Variants in NR4A2 observed in about 807,000 individuals in gnomAD.
NR4A2 encodes the protein NGFI-B/nur77 beta-type transcription factor homolog.
A neutral mutation model predicts 50.5 loss-of-function variants in NR4A2; 1 was observed. The observed-to-expected ratio is 0.02, with a 90% CI of 0.01 to 0.09. The LOEUF is 0.09. NR4A2 is among the 10% of genes least tolerant of loss of function. The probability of loss-of-function intolerance (pLI) is 1.00; values close to 1 mark genes in which losing one functional copy is unlikely to be tolerated. For synonymous variants in NR4A2, 328 were observed against 309.4 expected (o/e 1.06, Z -0.63); for missense variants, 613 against 777.3 (o/e 0.79, Z 2.51).
chr2:156,326,363 AAGAG>A lies in NR4A2; in HGVS notation c.1362-39_1362-36del. Reference sequence around the variant, plus strand: ...ATACCAAAGAGAGAGAGGGGAGAAAAAGAGAGAGAGAAAAGCTAAACAACTAATT... The same window carrying A: ...ATACCAAAGAGAGAGAGGGGAGAAAAAGAGAGAAAAGCTAAACAACTAATT... On this transcript the variant is annotated intron_variant, in intron 6 of 7. Coordinates refer to ENST00000339562, the MANE Select transcript of NR4A2 (RefSeq NM_006186.4). This position sits in a 1 kb window ranked among gnomAD's most constrained non-coding sequence, Gnocchi z 4.2. 1 of 1,584,534 alleles carries A rather than the reference AAGAG, an allele frequency of 6.3e-7. No homozygotes were observed. The highest frequency in any genetic ancestry group is 1.1e-5 in the South Asian group (1 of 90,488).
rs762169789 is a variant in NR4A2, at chr2:156,328,035, T to C, written c.995-21A>G. 4 of 1,597,888 alleles carry C rather than the reference T, an allele frequency of 2.5e-6. No homozygotes were observed. Among genetic ancestry groups the C allele is most frequent in the East Asian group, 4.5e-5 (2 of 44,470 alleles). Reference sequence around the variant, plus strand: ...AACCACTGCAAAGGAAGAGCCCTGTTAGCGCCGCTTTTCCGAGCCCAGGCC... The same window carrying C: ...AACCACTGCAAAGGAAGAGCCCTGTCAGCGCCGCTTTTCCGAGCCCAGGCC... On this transcript the variant is annotated intron_variant, in intron 4 of 7. Transcript: ENST00000339562. This position sits in a 1 kb window ranked among gnomAD's most constrained non-coding sequence, Gnocchi z 4.9.
At chr2:156,330,835 A>T in intron 1 of NR4A2, 44 bp from the exon 2 acceptor site, 1 of 1,239,688 alleles carries the variant, frequency 8.1e-7, no homozygotes, top group Non-Finnish European at 1.0e-6. Context: ...TTCCCGACAG[A>T]GATTCAGCTG....
rs1256429967 is a variant in NR4A2, at chr2:156,324,679, G to A, written c.*1065C>T. 6.6e-6 allele frequency: 1 copy of A among 152,520 alleles called. No homozygotes were observed. The highest frequency in any genetic ancestry group is 1.9e-4 in the East Asian group (1 of 5,198). 9.4% of individuals were successfully genotyped at this position (152,520 alleles called of 1,614,324 possible). A position where few individuals can be genotyped will look rare whatever the true frequency, so the allele number is the denominator to read the frequency against. On this transcript the variant is annotated 3_prime_UTR_variant, in exon 8 of 8. Coordinates refer to ENST00000339562, the MANE Select transcript of NR4A2 (RefSeq NM_006186.4). ...TTTAGACATAAAAAAAATTCAAAGT[G>A]CTCAGTTATTTCCAGGGAGTTATGT...
chr2:156,326,856 T>C lies in NR4A2; in HGVS notation c.1223A>G (p.Asp408Gly). The change falls in exon 6 of 8, where the codon GAT becomes GGT. Residue 408 changes from aspartate to glycine, a missense_variant. This residue lies in a region of NR4A2 where 250 missense variants were observed against 311.3 expected (regional missense o/e 0.80). Coordinates refer to ENST00000339562, the MANE Select transcript of NR4A2 (RefSeq NM_006186.4). The surrounding 1 kb of genome is among the most constrained non-coding windows in gnomAD (Gnocchi z 4.2). ...GATCTCCATGGAGCCAGTCAGGAGA[T>C]CATAGAATTGCTGGATATGCTGGGT... ...DDTQHIQQFY[D>G]LLTGSMEIIR... The C allele has an allele frequency of 6.2e-7, 1 of 1,614,228 alleles. No individual in the cohort carries two copies. Among genetic ancestry groups the C allele is most frequent in the Middle Eastern group, 1.6e-4 (1 of 6,062 alleles).
At position 156,326,610 on chromosome 2, in the gene NR4A2, T is replaced by G. The variant is rs1050745591; in HGVS notation, c.1361+108A>C. 1 of 1,232,682 alleles carries G rather than the reference T, an allele frequency of 8.1e-7. No homozygotes were observed. The highest frequency in any genetic ancestry group is 1.2e-6 in the Non-Finnish European group (1 of 847,430). The allele number at this position is 1,232,682 out of a possible 1,614,324, so 76.4% of individuals were successfully genotyped here. A position where few individuals can be genotyped will look rare whatever the true frequency, so the allele number is the denominator to read the frequency against. ...TCCTTTCTCCGACTTCCATTTCCTA[T>G]TCTGTCTTTTTCTCTACCCCACCCT... On this transcript the variant is annotated intron_variant, in intron 6 of 7. Transcript: ENST00000339562. The surrounding 1 kb of genome is among the most constrained non-coding windows in gnomAD (Gnocchi z 4.2).
At position 156,330,165 on chromosome 2, in the gene NR4A2, A is replaced by G; in HGVS notation, c.22T>C (p.Tyr8His). 1 of 1,614,156 alleles carries G rather than the reference A, an allele frequency of 6.2e-7. No homozygotes were observed. Among genetic ancestry groups the G allele is most frequent in the Non-Finnish European group, 8.5e-7 (1 of 1,180,028 alleles). The change falls in exon 3 of 8, where the codon TAT becomes CAT. Residue 8 changes from tyrosine to histidine, a missense_variant. Physicochemically the swap from Tyr to His is moderately conservative, Grantham distance 83. Transcript: ENST00000339562. Reference sequence around the variant, plus strand: ...CTGGCTCCTTGAGGCGAGGACCCATACTGCGCCTGAACACAAGGCATGGCT... The same window carrying G: ...CTGGCTCCTTGAGGCGAGGACCCATGCTGCGCCTGAACACAAGGCATGGCT... Reference protein sequence around the residue: MPCVQAQYGSSPQGASPA... With the variant: MPCVQAQHGSSPQGASPA...
rs797046133 is a variant in NR4A2, at chr2:156,329,830, C to T, written c.357G>A (p.Ser119=). ...GGGGCGAGGAGGGCTTGTAGTAAAC[C>T]GACCCGGAGTGCGGCATCATCTCCT... The part of the protein sequence containing the change: ...QSEEMMPHSG[S]VYYKPSSPPT... Residue 119 remains serine, a synonymous_variant, in exon 3 of 8, where the codon TCG becomes TCA. Coordinates refer to ENST00000339562, the MANE Select transcript of NR4A2 (RefSeq NM_006186.4). This position sits in a 1 kb window ranked among gnomAD's most constrained non-coding sequence, Gnocchi z 7.5. The T allele has an allele frequency of 1.1e-5, 18 of 1,614,086 alleles. No homozygotes were observed. The highest frequency in any genetic ancestry group is 1.5e-5 in the Non-Finnish European group (18 of 1,180,018).
chr2:156,330,305 GC>G (rs762617609), intron 2 of NR4A2, 117 bp from the exon 3 acceptor site: 4 of 1,209,798 alleles, frequency 3.3e-6, no homozygotes, highest in Non-Finnish European at 4.7e-6. Context: ...GCATGTAGGG[GC>G]GCGAGAGGAA....
In NR4A2 at chr2:156,325,965, C is replaced by T; in HGVS notation, c.1576G>A (p.Glu526Lys). ...CAATTTACAATCTTGTTTTGCAGTT[C>T]TTCCACTCTCTTGGGTTCCTTGAGC... ...HGLKEPKRVEELQNKIVNCLK... is the reference protein window; with the variant it reads ...HGLKEPKRVEKLQNKIVNCLK... Residue 526 changes from glutamate (E) to lysine (K), a missense_variant, in exon 8 of 8, where the codon GAA becomes AAA. Glu to Lys is a moderately conservative substitution (Grantham distance 56). Coordinates refer to ENST00000339562, the MANE Select transcript of NR4A2 (RefSeq NM_006186.4). The T allele has an allele frequency of 6.2e-7, 1 of 1,614,198 alleles. No homozygotes were observed. The highest frequency in any genetic ancestry group is 2.2e-5 in the East Asian group (1 of 44,894).
chr2:156,329,576 G>C lies in NR4A2; in HGVS notation c.611C>G (p.Pro204Arg), dbSNP rs980804642. Residue 204 changes from proline to arginine, a missense_variant, in exon 3 of 8, where the codon CCG becomes CGG. Pro to Arg is a moderately radical substitution (Grantham distance 103). Around this residue, in one of 4 missense-constraint regions of NR4A2, gnomAD observed 275 missense variants for 248.9 expected, o/e 1.10. Transcript: ENST00000339562. This position sits in a 1 kb window ranked among gnomAD's most constrained non-coding sequence, Gnocchi z 7.5. The part of the protein sequence containing the change: ...FDGPLHVPMN[P>R]EPAGSHHVVD... ...CACGTGGTGGCTGCCGGCGGGCTCC[G>C]GGTTCATGGGGACGTGCAGGGGCCC... 2.5e-6 allele frequency: 4 copies of C among 1,603,342 alleles called. No homozygotes were observed. Among genetic ancestry groups the C allele is most frequent in the African/African-American group, 2.7e-5 (2 of 74,892 alleles).
At position 156,329,079 on chromosome 2, in the gene NR4A2, G is replaced by A. The variant is rs556157691; in HGVS notation, c.864+244C>T. On this transcript the variant is annotated intron_variant, in intron 3 of 7. Transcript: ENST00000339562. The surrounding 1 kb of genome is among the most constrained non-coding windows in gnomAD (Gnocchi z 7.5). ...GCAACTTCGGGCGGGGGCCAGCCGGGTCGGCTGAATGCGAGGGGGATGCGA... is the reference window on the plus strand; with the variant it reads ...GCAACTTCGGGCGGGGGCCAGCCGGATCGGCTGAATGCGAGGGGGATGCGA... Among the ~76,000 whole-genome samples the A allele has an allele frequency of 1.3e-5, 2 of 152,324 alleles. No individual in the cohort carries two copies. The highest frequency in any genetic ancestry group is 2.1e-4 in the South Asian group (1 of 4,830).
Position 156,329,801 on chromosome 2 carries a change from G to A in NR4A2, c.386C>T (p.Thr129Met). The A allele has an allele frequency of 6.2e-7, 1 of 1,613,614 alleles. No homozygotes were observed. Among genetic ancestry groups the A allele is most frequent in the Non-Finnish European group, 8.5e-7 (1 of 1,179,576 alleles). ...SVYYKPSSPP[T>M]PTTPGFQVQH... is the part of the protein sequence containing the mutation. ...CACCTGGAAGCCCGGGGTGGTGGGC[G>A]TCGGGGGCGAGGAGGGCTTGTAGTA... Residue 129 changes from threonine to methionine, a missense_variant, in exon 3 of 8, where the codon ACG (threonine) becomes ATG (methionine). Coordinates refer to ENST00000339562, the MANE Select transcript of NR4A2 (RefSeq NM_006186.4). This position sits in a 1 kb window ranked among gnomAD's most constrained non-coding sequence, Gnocchi z 7.5.
At position 156,324,643 on chromosome 2, in the gene NR4A2, T is replaced by A. The variant is rs1686561378; in HGVS notation, c.*1101A>T. The A allele has an allele frequency of 6.6e-6, 1 of 152,594 alleles. No homozygotes were observed. Among genetic ancestry groups the A allele is most frequent in the Non-Finnish European group, 1.5e-5 (1 of 68,024 alleles). The allele number at this position is 152,594 out of a possible 1,614,324, so 9.5% of individuals were successfully genotyped here. On this transcript the variant is annotated 3_prime_UTR_variant, in exon 8 of 8. Transcript: ENST00000339562. ...TTCTTACTCAAACAAAATAATAAATTAACTGACAATTTTAGACATAAAAAA... is the reference window on the plus strand; with the variant it reads ...TTCTTACTCAAACAAAATAATAAATAAACTGACAATTTTAGACATAAAAAA...
Position 156,329,276 on chromosome 2 carries a change from G to A in NR4A2, c.864+47C>T. On this transcript the variant is annotated intron_variant, in intron 3 of 7. Coordinates refer to ENST00000339562, the MANE Select transcript of NR4A2 (RefSeq NM_006186.4). This position sits in a 1 kb window ranked among gnomAD's most constrained non-coding sequence, Gnocchi z 7.5. ...CAGAGGGCACACTCCGAGGTCCCGG[G>A]CACTAGGGGCTCCCTACCTGCCTAC... The A allele has an allele frequency of 6.3e-7, 1 of 1,584,986 alleles. No homozygotes were observed. The highest frequency in any genetic ancestry group is 1.1e-5 in the South Asian group (1 of 87,636).
Position 156,325,640 on chromosome 2 carries a change from T to A in NR4A2, c.*104A>T. ...GAGGGTTACAGAAATGGGGGGCAGC[T>A]TGAGCTGAGACTGCTCACACGGCTA... On this transcript the variant is annotated 3_prime_UTR_variant, in exon 8 of 8. Coordinates refer to ENST00000339562, the MANE Select transcript of NR4A2 (RefSeq NM_006186.4). 7.0e-7 allele frequency: 1 copy of A among 1,430,546 alleles called. No homozygotes were observed. The highest frequency in any genetic ancestry group is 9.9e-7 in the Non-Finnish European group (1 of 1,015,006). The allele number at this position is 1,430,546 out of a possible 1,614,324, so 88.6% of individuals were successfully genotyped here.
At position 156,326,103 on chromosome 2, in the gene NR4A2, T is replaced by TGCTAG; in HGVS notation, c.1540+42_1540+46dup. 6.2e-7 allele frequency: 1 copy of TGCTAG among 1,613,680 alleles called. No homozygotes were observed. The highest frequency in any genetic ancestry group is 8.5e-7 in the Non-Finnish European group (1 of 1,179,712). On this transcript the variant is annotated intron_variant, in intron 7 of 7. Coordinates refer to ENST00000339562, the MANE Select transcript of NR4A2 (RefSeq NM_006186.4). The surrounding 1 kb of genome is among the most constrained non-coding windows in gnomAD (Gnocchi z 4.2). ...GACAAGGGAAACTCAGGACAAATCC[T>TGCTAG]GCTAGGCAGTTCTGGAGGGGAAGCG...
At position 156,329,866 on chromosome 2, in the gene NR4A2, G is replaced by A. The variant is rs773777485; in HGVS notation, c.321C>T (p.Pro107=). 6.2e-7 allele frequency: 1 copy of A among 1,614,040 alleles called. No individual in the cohort carries two copies. The highest frequency in any genetic ancestry group is 8.5e-7 in the Non-Finnish European group (1 of 1,180,036). ...GCGGCATCATCTCCTCAGACTGGGG[G>A]GGCAGGTGGCTGTGTTGCTGGTAGT... ...MHNYQQHSHL[P]PQSEEMMPHS... Residue 107 remains proline (P), a synonymous_variant, in exon 3 of 8, where the codon CCC becomes CCT. Coordinates refer to ENST00000339562, the MANE Select transcript of NR4A2 (RefSeq NM_006186.4). This position sits in a 1 kb window ranked among gnomAD's most constrained non-coding sequence, Gnocchi z 7.5.
rs1686618734 is a variant in NR4A2, at chr2:156,325,854, G to A, written c.1687C>T (p.Arg563Cys). 5.0e-6 allele frequency: 8 copies of A among 1,614,228 alleles called. No individual in the cohort carries two copies. Among genetic ancestry groups the A allele is most frequent in the Non-Finnish European group, 6.8e-6 (8 of 1,180,046 alleles). ...TGTAGCCCCTGTGTGCAAAGGGTACGAAGTTCTGGGAGCTTCCCCAACAGT... is the reference window on the plus strand; with the variant it reads ...TGTAGCCCCTGTGTGCAAAGGGTACAAAGTTCTGGGAGCTTCCCCAACAGT... ...SKLLGKLPEL[R>C]TLCTQGLQRI... Residue 563 changes from arginine (R) to cysteine (C), a missense_variant, in exon 8 of 8, where the codon CGT becomes TGT. By Grantham distance (180) the Arg-to-Cys change is radical. Coordinates refer to ENST00000339562, the MANE Select transcript of NR4A2 (RefSeq NM_006186.4).
In NR4A2 at chr2:156,328,635, C is replaced by A; in HGVS notation, c.865-102G>T. ...ATGTGACTGGGGTCTACGATTCCTC[C>A]CCACAAACAAACACATACACACAAT... is the stretch of plus-strand genomic sequence containing the variant. On this transcript the variant is annotated intron_variant, in intron 3 of 7. Coordinates refer to ENST00000339562, the MANE Select transcript of NR4A2 (RefSeq NM_006186.4). This position sits in a 1 kb window ranked among gnomAD's most constrained non-coding sequence, Gnocchi z 4.9. 7.1e-7 allele frequency: 1 copy of A among 1,407,970 alleles called. No individual in the cohort carries two copies. Among genetic ancestry groups the A allele is most frequent in the Non-Finnish European group, 1.0e-6 (1 of 997,238 alleles). 87.2% of individuals were successfully genotyped at this position (1,407,970 alleles called of 1,614,324 possible).
Sources: allele counts gnomAD v4.1 joint callset (sites outside exome capture counted in the v4.1 genomes callset), GRCh38; gene constraint gnomAD v4.1.1; regional missense constraint gnomAD v4.1.1; non-coding constraint Gnocchi (gnomAD v3.1); transcripts MANE v1.5; gene names NCBI Gene and HGNC (gene_info 2026-07-23, HGNC 2026-07-21).